Variants in MYADML2 observed in about 807,000 individuals in gnomAD.
MYADML2 encodes myeloid-associated differentiation marker-like protein 2.
MYADML2 carries 17 observed loss-of-function variants against 16.0 expected under a neutral mutation model. The observed-to-expected ratio is 1.06, with a 90% confidence interval of 0.73 to 1.60. MYADML2 has a LOEUF of 1.60. Ranked by LOEUF, MYADML2 falls within the 40% of genes most tolerant of loss-of-function variation. MYADML2 has a pLI of 0.00. For synonymous variants in MYADML2, 210 were observed against 208.1 expected (o/e 1.01, Z -0.08); for missense variants, 422 against 437.7 (o/e 0.96, Z 0.32).
chr17:81,940,764 C>T lies in MYADML2; in HGVS notation c.*54G>A. ...CTTTGGTTCACCTGAGTTTCCCTCGCAGAGCCTGGAGCTGGTGGCCAGAGA... is the reference window on the plus strand; with the variant it reads ...CTTTGGTTCACCTGAGTTTCCCTCGTAGAGCCTGGAGCTGGTGGCCAGAGA... On this transcript the variant is annotated 3_prime_UTR_variant, in exon 3 of 3. Coordinates refer to ENST00000409745, the MANE Select transcript of MYADML2 (RefSeq NM_001145113.3). 1 of 1,455,464 alleles carries T rather than the reference C, an allele frequency of 6.9e-7. No homozygotes were observed. Among genetic ancestry groups the T allele is most frequent in the Non-Finnish European group, 9.1e-7 (1 of 1,098,674 alleles). 90.2% of individuals were successfully genotyped at this position (1,455,464 alleles called of 1,614,324 possible). A position where few individuals can be genotyped will look rare whatever the true frequency, so the allele number is the denominator to read the frequency against.
At position 81,940,726 on chromosome 17, in the gene MYADML2, T is replaced by C; in HGVS notation, c.*92A>G. On this transcript the variant is annotated 3_prime_UTR_variant, in exon 3 of 3. Coordinates refer to ENST00000409745, the MANE Select transcript of MYADML2 (RefSeq NM_001145113.3). Reference sequence around the variant, plus strand: ...CCTGAGCCCGCGGCTTCCCTCCTGCTCGCTACTTGACACTTTGGTTCACCT... The same window carrying C: ...CCTGAGCCCGCGGCTTCCCTCCTGCCCGCTACTTGACACTTTGGTTCACCT... 1 of 1,369,580 alleles carries C rather than the reference T, an allele frequency of 7.3e-7. No individual in the cohort carries two copies. The highest frequency in any genetic ancestry group is 1.5e-5 in the South Asian group (1 of 66,084). The allele number at this position is 1,369,580 out of a possible 1,614,324, so 84.8% of individuals were successfully genotyped here. A position where few individuals can be genotyped will look rare whatever the true frequency, so the allele number is the denominator to read the frequency against.
intron 2 of MYADML2, 77 bp from the exon 3 acceptor site, chr17:81,941,920 G>T (rs951553538): frequency 8.4e-6 from 5 of 594,038 alleles, no homozygotes; most frequent in African/African-American, 7.4e-5. Flanking sequence ...TCCCCCCAGC[G>T]CTATAAATAG....
chr17:81,945,083 TAGTG>T (rs2041333264), intron 1 of MYADML2, among the ~76,000 whole-genome samples: 1 of 151,402 alleles, frequency 6.6e-6, no homozygotes, highest in Non-Finnish European at 1.5e-5. Flanking sequence ...CTGGCCAACA[TAGTG>T]AGACCCCATC....
Position 81,941,675 on chromosome 17 carries a change from C to G in MYADML2, c.67G>C (p.Gly23Arg). The G allele has an allele frequency of 1.3e-6, 2 of 1,548,438 alleles. No homozygotes were observed. Among genetic ancestry groups the G allele is most frequent in the Non-Finnish European group, 1.7e-6 (2 of 1,145,830 alleles). Residue 23 changes from glycine to arginine, a missense_variant, in exon 3 of 3, where the codon GGC (glycine) becomes CGC (arginine). Transcript: ENST00000409745. ...GCCAGCTGCAGCACGCGGGCTGTGCCCACAGGGGATGTCACGGCGCCCAGG... is the reference window on the plus strand; with the variant it reads ...GCCAGCTGCAGCACGCGGGCTGTGCGCACAGGGGATGTCACGGCGCCCAGG... Reference protein sequence around the residue: ...LHLGAVTSPVGTARVLQLAFG... With the variant: ...LHLGAVTSPVRTARVLQLAFG...
chr17:81,941,204 C>A lies in MYADML2; in HGVS notation c.538G>T (p.Gly180Trp). 1 of 1,550,132 alleles carries A rather than the reference C, an allele frequency of 6.5e-7. No individual in the cohort carries two copies. The highest frequency in any genetic ancestry group is 8.7e-7 in the Non-Finnish European group (1 of 1,146,902). Residue 180 changes from glycine (G) to tryptophan (W), a missense_variant, in exon 3 of 3, where the codon GGG (glycine) becomes TGG (tryptophan). Physicochemically the swap from Gly to Trp is radical, Grantham distance 184. Coordinates refer to ENST00000409745, the MANE Select transcript of MYADML2 (RefSeq NM_001145113.3). ...VQAFVACIIFGALVHDSRYGR... is the reference protein window; with the variant it reads ...VQAFVACIIFWALVHDSRYGR... The stretch of plus-strand genomic sequence containing the variant: ...TAGCGGCTGTCATGGACCAGCGCCC[C>A]GAAGATGATGCAGGCCACGAAGGCC...
intron 2 of MYADML2, 125 bp from the exon 3 acceptor site, chr17:81,941,968 G>C (rs1207261463): frequency 6.2e-6 from 3 of 484,132 alleles, no homozygotes; most frequent in Non-Finnish European, 1.1e-5. Flanking sequence ...CAGCTTGCGT[G>C]CCTGTCCCCA....
intron 1 of MYADML2, among the ~76,000 whole-genome samples, chr17:81,946,445 G>T (rs987136036): frequency 6.6e-6 from 1 of 151,414 alleles, no homozygotes; most frequent in African/African-American, 2.4e-5. Flanking sequence ...TCAGGAGATC[G>T]AGACCATCCT....
At chr17:81,945,138 C>T (rs889260707) in intron 1 of MYADML2, among the ~76,000 whole-genome samples, 5 of 151,874 alleles carry the variant, frequency 3.3e-5, no homozygotes, top group East Asian at 1.9e-4. Context: ...CAGTAGGTCA[C>T]GCCTGTCATC....
At position 81,941,886 on chromosome 17, in the gene MYADML2, T is replaced by C. The variant is rs1012149338; in HGVS notation, c.-102-43A>G. 1.7e-5 allele frequency: 13 copies of C among 767,158 alleles called. No individual in the cohort carries two copies. The South Asian group carries it at 2.7e-4, about 16-fold the overall frequency. 47.5% of individuals were successfully genotyped at this position (767,158 alleles called of 1,614,324 possible). A position where few individuals can be genotyped will look rare whatever the true frequency, so the allele number is the denominator to read the frequency against. The stretch of plus-strand genomic sequence containing the variant: ...ACGGTGACATTGCAGCAGGGCAGCC[T>C]CTCTGCTGTCTATGTGAGGCGGCTC... On this transcript the variant is annotated intron_variant, in intron 2 of 2. Coordinates refer to ENST00000409745, the MANE Select transcript of MYADML2 (RefSeq NM_001145113.3).
At chr17:81,946,430 C>CCT in intron 1 of MYADML2, among the ~76,000 whole-genome samples, 1 of 151,196 alleles carries the variant, frequency 6.6e-6, no homozygotes, top group South Asian at 2.1e-4. Context: ...GGGCGGATCA[C>CCT]AAGGTCAGGA....
In MYADML2 at chr17:81,943,304, C is replaced by T. The variant is rs182847042; in HGVS notation, c.-180-931G>A. On this transcript the variant is annotated intron_variant, in intron 1 of 2. Transcript: ENST00000409745. ...CAGGATGGTCTCGATATCCTGACCT[C>T]GTGATCCACCTGCCTCGGCCTCCCA... Among the ~76,000 whole-genome samples, 916 of 151,530 alleles carry T rather than the reference C, an allele frequency of 6.0e-3. 10 individuals are homozygous for T. Among genetic ancestry groups the T allele is most frequent in the African/African-American group, 0.021 (875 of 41,288 alleles).
Position 81,941,610 on chromosome 17 carries a change from A to G in MYADML2, c.132T>C (p.Gly44=). 6.5e-7 allele frequency: 1 copy of G among 1,548,962 alleles called. No individual in the cohort carries two copies. Among genetic ancestry groups the G allele is most frequent in the South Asian group, 1.2e-5 (1 of 84,060 alleles). Residue 44 remains glycine, a synonymous_variant, in exon 3 of 3, where the codon GGT becomes GGC. Transcript: ENST00000409745. ...AGGTGCCCTGGACGCCCGCAAAGCC[A>G]CCCCGGTGGGCCACCAGGCTGAAGG... ...CTTFSLVAHR[G]GFAGVQGTFC...
At chr17:81,946,223 T>A (rs556817870) in intron 1 of MYADML2, among the ~76,000 whole-genome samples, 1 of 151,132 alleles carries the variant, frequency 6.6e-6, no homozygotes, top group Admixed American at 6.6e-5. Context: ...GGCGTGGTGG[T>A]GGGTGCCTGT....
Position 81,941,607 on chromosome 17 carries a change from G to A in MYADML2, c.135C>T (p.Gly45=), listed in dbSNP as rs2041305336. The A allele has an allele frequency of 6.5e-7, 1 of 1,548,874 alleles. No homozygotes were observed. Among genetic ancestry groups the A allele is most frequent in the Non-Finnish European group, 8.7e-7 (1 of 1,146,846 alleles). Residue 45 remains glycine (G), a synonymous_variant, in exon 3 of 3, where the codon GGC becomes GGT. Coordinates refer to ENST00000409745, the MANE Select transcript of MYADML2 (RefSeq NM_001145113.3). The part of the protein sequence containing the change: ...TTFSLVAHRG[G]FAGVQGTFCM... ...AGAAGGTGCCCTGGACGCCCGCAAA[G>A]CCACCCCGGTGGGCCACCAGGCTGA...
At position 81,940,812 on chromosome 17, in the gene MYADML2, T is replaced by G. The variant is rs2041295713; in HGVS notation, c.*6A>C. 2.0e-6 allele frequency: 3 copies of G among 1,489,328 alleles called. No individual in the cohort carries two copies. Among genetic ancestry groups the G allele is most frequent in the Non-Finnish European group, 2.7e-6 (3 of 1,112,502 alleles). The allele number at this position is 1,489,328 out of a possible 1,614,324, so 92.3% of individuals were successfully genotyped here. ...AGAGCAGAGGTGGGTGGGCTGCCAC[T>G]GTGGGCTACAGGCTGGGCACGAAGC... On this transcript the variant is annotated 3_prime_UTR_variant, in exon 3 of 3. Transcript: ENST00000409745.
chr17:81,946,541 G>C (rs915003182), intron 1 of MYADML2, among the ~76,000 whole-genome samples: 1 of 151,736 alleles, frequency 6.6e-6, no homozygotes, highest in East Asian at 1.9e-4. Context: ...CCAGCTACTC[G>C]GGAGGCTGAG....
chr17:81,942,399 T>C lies in MYADML2; in HGVS notation c.-180-26A>G, dbSNP rs1466166010. On this transcript the variant is annotated intron_variant, in intron 1 of 2. Coordinates refer to ENST00000409745, the MANE Select transcript of MYADML2 (RefSeq NM_001145113.3). The surrounding 1 kb of genome is among the most constrained non-coding windows in gnomAD (Gnocchi z 4.4). ...CTGCTGCGGCCAGAGGAGCAGAGCATGGAGACCGTGGCCTCTGCTCCCCGA... is the reference window on the plus strand; with the variant it reads ...CTGCTGCGGCCAGAGGAGCAGAGCACGGAGACCGTGGCCTCTGCTCCCCGA... 4 of 152,300 alleles carry C rather than the reference T, an allele frequency of 2.6e-5. No individual in the cohort carries two copies. Among genetic ancestry groups the C allele is most frequent in the Admixed American group, 2.0e-4 (3 of 15,288 alleles). 9.4% of individuals were successfully genotyped at this position (152,300 alleles called of 1,614,324 possible).
intron 1 of MYADML2, among the ~76,000 whole-genome samples, chr17:81,945,728 G>A (rs558127933): frequency 2.0e-5 from 3 of 151,534 alleles, no homozygotes; most frequent in Admixed American, 6.6e-5. Flanking sequence ...TGAGTTGGGC[G>A]TGGTGGTGCA....
chr17:81,941,384 CGGGCTCGG>C lies in MYADML2; in HGVS notation c.350_357del (p.Pro117ArgfsTer66), dbSNP rs1567932645. ...CGGAAGTCCCTGGCAGCACAGCCGG[CGGGCTCGG>C]GGGAACACTCCCGCCGGGCAAAGTA... On this transcript the variant is annotated frameshift_variant, in exon 3 of 3. Coordinates refer to ENST00000409745, the MANE Select transcript of MYADML2 (RefSeq NM_001145113.3). LOFTEE classifies it high-confidence loss of function. The C allele has an allele frequency of 1.3e-6, 2 of 1,548,610 alleles. No homozygotes were observed. The highest frequency in any genetic ancestry group is 1.7e-6 in the Non-Finnish European group (2 of 1,146,172).
Sources: allele counts gnomAD v4.1 joint callset (sites outside exome capture counted in the v4.1 genomes callset), GRCh38; gene constraint gnomAD v4.1.1; non-coding constraint Gnocchi (gnomAD v3.1); transcripts MANE v1.5; gene names NCBI Gene and HGNC (gene_info 2026-07-23, HGNC 2026-07-21).